Variants in PDSS2 observed in about 807,000 individuals in gnomAD.
PDSS2 encodes the protein decaprenyl diphosphate synthase subunit 2.
PDSS2 carries 31 observed loss-of-function variants against 44.5 expected under a neutral mutation model. That is an observed-to-expected ratio of 0.70 (90% CI 0.52 to 0.94). PDSS2 has a LOEUF of 0.94. PDSS2 is among the 40% of genes least tolerant of loss of function. The pLI, the probability that PDSS2 is intolerant of heterozygous loss-of-function variation, is 0.00. For synonymous variants in PDSS2, 157 were observed against 180.3 expected, an observed-to-expected ratio of 0.87 and a Z score of 1.03; for missense variants, 452 against 482.2, an observed-to-expected ratio of 0.94 and a Z score of 0.59.
chr6:107,192,524 C>A, intron 7 of PDSS2: 1 of 354,614 alleles, frequency 2.8e-6, no homozygotes. Flanking sequence ...GTAAGAAAAG[C>A]TTCCCACACC....
intron 3 of PDSS2, among the ~76,000 whole-genome samples, chr6:107,270,070 C>G (rs962846243): frequency 3.3e-5 from 5 of 152,032 alleles, no homozygotes; most frequent in African/African-American, 1.2e-4. Flanking sequence ...CGACAGACAA[C>G]AAAGAGAAAA....
At chr6:107,191,949 T>TGGGATGGTGA (rs1007663727) in intron 7 of PDSS2, among the ~76,000 whole-genome samples, 1 of 152,064 alleles carries the variant, frequency 6.6e-6, no homozygotes, top group Admixed American at 6.6e-5. Flanking sequence ...TTCTCTGGTG[T>TGGGATGGTGA]GGGATGCTGA....
chr6:107,355,290 T>C (rs1201750849), intron 1 of PDSS2, among the ~76,000 whole-genome samples: 2 of 152,198 alleles, frequency 1.3e-5, no homozygotes, highest in Non-Finnish European at 2.9e-5. Context: ...CAATCCATGA[T>C]GGAAATACAG....
chr6:107,425,454 G>A (rs563797755), intron 1 of PDSS2, among the ~76,000 whole-genome samples: 12 of 152,304 alleles, frequency 7.9e-5, no homozygotes, highest in African/African-American at 2.9e-4. Flanking sequence ...TGAGGAACTT[G>A]TTGGGAACCG....
chr6:107,299,160 A>AT (rs2115054730), intron 2 of PDSS2, among the ~76,000 whole-genome samples: 1 of 150,458 alleles, frequency 6.6e-6, no homozygotes, highest in South Asian at 2.1e-4. Context: ...AAAAAAAAAA[A>AT]AAAAAAAAAG....
intron 3 of PDSS2, among the ~76,000 whole-genome samples, chr6:107,248,916 C>T (rs1284996171): frequency 6.6e-6 from 1 of 152,166 alleles, no homozygotes; most frequent in Admixed American, 6.6e-5. Flanking sequence ...CCTTTGGTTT[C>T]AATACCTAGA....
intron 1 of PDSS2, among the ~76,000 whole-genome samples, chr6:107,424,124 C>G (rs574657938): frequency 1.0e-4 from 15 of 149,092 alleles, no homozygotes; most frequent in Non-Finnish European, 1.8e-4. Context: ...TCACTGCAGC[C>G]TTGACCTCCT....
chr6:107,444,334 A>G (rs1781602204), intron 1 of PDSS2, among the ~76,000 whole-genome samples: 1 of 152,150 alleles, frequency 6.6e-6, no homozygotes. Flanking sequence ...CCTAGCCACC[A>G]GGTTCTATTA....
At chr6:107,377,701 C>G (rs1389879754) in intron 1 of PDSS2, among the ~76,000 whole-genome samples, 1 of 152,022 alleles carries the variant, frequency 6.6e-6, no homozygotes, top group Admixed American at 6.6e-5. Context: ...GAATACTATG[C>G]AGCCATAAAA....
At chr6:107,227,278 CTTTTTTTTTTTT>C (rs60988844) in intron 4 of PDSS2, among the ~76,000 whole-genome samples, 5 of 102,818 alleles carry the variant, frequency 4.9e-5, no homozygotes, top group South Asian at 3.0e-4. Context: ...CCACTGTGCC[CTTTTTTTTTTTT>C]TTTTTTTTTT....
chr6:107,243,184 T>C (rs975540059), intron 4 of PDSS2, among the ~76,000 whole-genome samples: 1 of 152,226 alleles, frequency 6.6e-6, no homozygotes, highest in Non-Finnish European at 1.5e-5. Flanking sequence ...TTATGAACTG[T>C]GAAACATGTT....
chr6:107,164,698 G>C (rs1369512478), intron 7 of PDSS2, among the ~76,000 whole-genome samples: 13 of 152,138 alleles, frequency 8.5e-5, no homozygotes, highest in Non-Finnish European at 1.3e-4. Context: ...GGGATGGCTG[G>C]GTCAAATGGT....
At chr6:107,211,952 T>G (rs772117021) in intron 5 of PDSS2, among the ~76,000 whole-genome samples, 157 bp downstream of exon 5, 5 of 152,202 alleles carry the variant, frequency 3.3e-5, no homozygotes, top group Non-Finnish European at 7.3e-5. Flanking sequence ...GCAATTATAC[T>G]ATTTACATTA....
chr6:107,193,878 AATTT>A lies in PDSS2; in HGVS notation c.1009-28_1009-25del, dbSNP rs548989529. On this transcript the variant is annotated intron_variant, in intron 6 of 7. Coordinates refer to ENST00000369037, the MANE Select transcript of PDSS2 (RefSeq NM_020381.4). Reference sequence around the variant, plus strand: ...GCCTACAAAAGAAGAGGGGAAAATTAATTTGTTACTTCTCTAAAAGTTTAGTGCT... The same window carrying A: ...GCCTACAAAAGAAGAGGGGAAAATTAGTTACTTCTCTAAAAGTTTAGTGCT... 1,865 of 1,513,342 alleles carry A rather than the reference AATTT, an allele frequency of 1.2e-3. 27 individuals carry two copies. In the African/African-American group the frequency reaches 0.023, roughly 19 times the overall value. 93.7% of individuals were successfully genotyped at this position (1,513,342 alleles called of 1,614,324 possible). A position where few individuals can be genotyped will look rare whatever the true frequency, so the allele number is the denominator to read the frequency against.
intron 2 of PDSS2, among the ~76,000 whole-genome samples, chr6:107,301,921 CAAAAAA>C (rs10592658): frequency 2.5e-5 from 2 of 78,644 alleles, no homozygotes; most frequent in South Asian, 5.8e-4. Flanking sequence ...GACTCTATCT[CAAAAAA>C]AAAAAAAAAA....
intron 1 of PDSS2, among the ~76,000 whole-genome samples, chr6:107,418,166 C>T (rs1219772140): frequency 6.6e-6 from 1 of 152,146 alleles, no homozygotes; most frequent in African/African-American, 2.4e-5. Context: ...ATAAGAGGAA[C>T]TCTGCAGGTA....
intron 3 of PDSS2, among the ~76,000 whole-genome samples, chr6:107,271,847 G>A (rs1446422928): frequency 6.6e-6 from 1 of 152,020 alleles, no homozygotes; most frequent in Non-Finnish European, 1.5e-5. Context: ...GTGAGCCCAG[G>A]AGTTCAAGAC....
Position 107,419,558 on chromosome 6 carries a change from G to A in PDSS2, c.296+39432C>T, listed in dbSNP as rs549114911. Among the ~76,000 whole-genome samples, 10 of 152,214 alleles carry A rather than the reference G, an allele frequency of 6.6e-5. No homozygotes were observed. The South Asian group carries it at 2.1e-3, about 32-fold the overall frequency. Reference sequence around the variant, plus strand: ...AAATTATGTAAGATATTTAGTCTTTGAATTTTTACAGTATGTTTTAGAAAT... The same window carrying A: ...AAATTATGTAAGATATTTAGTCTTTAAATTTTTACAGTATGTTTTAGAAAT... On this transcript the variant is annotated intron_variant, in intron 1 of 7. Coordinates refer to ENST00000369037, the MANE Select transcript of PDSS2 (RefSeq NM_020381.4).
chr6:107,444,109 G>A (rs933794591), intron 1 of PDSS2, among the ~76,000 whole-genome samples: 4 of 152,092 alleles, frequency 2.6e-5, no homozygotes, highest in African/African-American at 7.2e-5. Flanking sequence ...GCTCACTGCA[G>A]TCTCAACTCC....
Sources: gnomAD v4.1 joint callset for allele counts (sites outside exome capture counted in the v4.1 genomes callset) on GRCh38, gnomAD v4.1.1 for gene constraint, MANE v1.5 for transcripts, NCBI Gene and HGNC (gene_info 2026-07-23, HGNC 2026-07-21) for gene names.